Variants in MLLT1 observed in about 807,000 individuals in gnomAD.
MLLT1 encodes MLLT1 super elongation complex subunit.
In MLLT1, 11 loss-of-function variants were observed where a neutral mutation model predicts 55.1. The ratio of observed to expected loss-of-function variants is 0.20; its 90% confidence interval spans 0.13 to 0.33. The LOEUF (loss-of-function observed/expected upper bound fraction) is 0.33. Among genes scored for constraint, MLLT1 ranks in the 10% least tolerant of loss-of-function variants. The pLI, the probability that MLLT1 is intolerant of heterozygous loss-of-function variation, is 1.00. For missense variants in MLLT1, 536 were observed against 760.6 expected (o/e 0.70, Z 3.47); for synonymous variants, 323 against 320.1 (o/e 1.01, Z -0.10).
intron 3 of MLLT1, among the ~76,000 whole-genome samples, chr19:6,246,151 C>T (rs986555777): frequency 6.7e-6 from 1 of 150,118 alleles, no homozygotes; most frequent in African/African-American, 2.4e-5. Flanking sequence ...CAAGGGCTGG[C>T]GAAGATTTGG....
At chr19:6,267,402 T>TA (rs34411333) in intron 2 of MLLT1, among the ~76,000 whole-genome samples, 127 of 143,346 alleles carry the variant, frequency 8.9e-4, no homozygotes, top group South Asian at 2.2e-3. Context: ...GCCAAAAAAT[T>TA]AAAAAAAAAA....
chr19:6,212,259 C>A lies in MLLT1; in HGVS notation c.*783G>T. 1 of 1,065,002 alleles carries A rather than the reference C, an allele frequency of 9.4e-7. No homozygotes were observed. Among genetic ancestry groups the A allele is most frequent in the Non-Finnish European group, 1.1e-6 (1 of 879,248 alleles). The allele number at this position is 1,065,002 out of a possible 1,614,324, so 66.0% of individuals were successfully genotyped here. A position where few individuals can be genotyped will look rare whatever the true frequency, so the allele number is the denominator to read the frequency against. ...CCTTTGTAGTGTTGGCTGACCCCCCCGGGAGCCCCGGTAGGAGGCGGCGGC... is the reference window on the plus strand; with the variant it reads ...CCTTTGTAGTGTTGGCTGACCCCCCAGGGAGCCCCGGTAGGAGGCGGCGGC... On this transcript the variant is annotated 3_prime_UTR_variant, in exon 12 of 12. Coordinates refer to ENST00000252674, the MANE Select transcript of MLLT1 (RefSeq NM_005934.4).
chr19:6,238,762 TC>T (rs1338879085), intron 3 of MLLT1, among the ~76,000 whole-genome samples: 1 of 151,664 alleles, frequency 6.6e-6, no homozygotes, highest in African/African-American at 2.4e-5. Flanking sequence ...AAACACCTTC[TC>T]CGCCAGGGCC....
At chr19:6,257,728 G>A (rs1402400603) in intron 3 of MLLT1, among the ~76,000 whole-genome samples, 1 of 152,118 alleles carries the variant, frequency 6.6e-6, no homozygotes, top group Non-Finnish European at 1.5e-5. Flanking sequence ...TTGAACCCAG[G>A]AGGCAGAGGT....
chr19:6,272,711 A>G (rs183195189), intron 1 of MLLT1, among the ~76,000 whole-genome samples: 57 of 152,298 alleles, frequency 3.7e-4, no homozygotes, highest in Non-Finnish European at 7.1e-4. Flanking sequence ...ACGATGCTGG[A>G]TTAATTAAAC....
intron 1 of MLLT1, among the ~76,000 whole-genome samples, chr19:6,279,224 G>A (rs1042691753): frequency 1.3e-5 from 2 of 152,108 alleles, no homozygotes; most frequent in South Asian, 2.1e-4. Context: ...CAGCAGGTTG[G>A]GGACTCTGGG....
chr19:6,219,657 C>CA lies in MLLT1; in HGVS notation c.1111-1617dup, dbSNP rs1351466686. ...GGAATCCCTGGGGCAGAGGGGTGGG[C>CA]ACCAACCTGGAGGGAGGTGGACTGG... On this transcript the variant is annotated intron_variant, in intron 6 of 11. Coordinates refer to ENST00000252674, the MANE Select transcript of MLLT1 (RefSeq NM_005934.4). This position sits in a 1 kb window ranked among gnomAD's most constrained non-coding sequence, Gnocchi z 4.5. Among the ~76,000 whole-genome samples, 3 of 152,206 alleles carry CA rather than the reference C, an allele frequency of 2.0e-5. No homozygotes were observed. Among genetic ancestry groups the CA allele is most frequent in the Non-Finnish European group, 4.4e-5 (3 of 68,032 alleles).
rs915686199 is a variant in MLLT1, at chr19:6,231,574, C to T, written c.277-861G>A. Among the ~76,000 whole-genome samples the T allele has an allele frequency of 2.0e-5, 3 of 151,824 alleles. No individual in the cohort carries two copies. The highest frequency in any genetic ancestry group is 2.9e-5 in the Non-Finnish European group (2 of 67,966). ...TTGCCCAGGCTGGAGTGCAGTGGCGCGATCTCGGCTCACTGCAAGCTCCAC... is the reference window on the plus strand; with the variant it reads ...TTGCCCAGGCTGGAGTGCAGTGGCGTGATCTCGGCTCACTGCAAGCTCCAC... On this transcript the variant is annotated intron_variant, in intron 3 of 11. Coordinates refer to ENST00000252674, the MANE Select transcript of MLLT1 (RefSeq NM_005934.4). The surrounding 1 kb of genome is among the most constrained non-coding windows in gnomAD (Gnocchi z 5.1).
At chr19:6,223,162 C>T (rs2090920408) in intron 5 of MLLT1, among the ~76,000 whole-genome samples, 2 of 152,252 alleles carry the variant, frequency 1.3e-5, no homozygotes, top group East Asian at 1.9e-4. Context: ...GCTTCCTGCT[C>T]GGTCACTCAC....
chr19:6,220,342 G>T (rs1423974902), intron 6 of MLLT1, among the ~76,000 whole-genome samples: 1 of 152,220 alleles, frequency 6.6e-6, no homozygotes, highest in Non-Finnish European at 1.5e-5. Flanking sequence ...TGCTGTTGGG[G>T]CCTGGGTCTC....
At chr19:6,236,340 C>T (rs2091060941) in intron 3 of MLLT1, among the ~76,000 whole-genome samples, 1 of 152,184 alleles carries the variant, frequency 6.6e-6, no homozygotes, top group Admixed American at 6.5e-5. Context: ...TGGTGTCCCC[C>T]CGTCACAGAT....
chr19:6,268,829 A>C (rs1042575009), intron 2 of MLLT1, among the ~76,000 whole-genome samples: 2 of 152,210 alleles, frequency 1.3e-5, no homozygotes, highest in Admixed American at 1.3e-4. Flanking sequence ...CAACACGACA[A>C]ACAAAAAACA....
chr19:6,241,501 G>A (rs1265744107), intron 3 of MLLT1, among the ~76,000 whole-genome samples: 4 of 152,218 alleles, frequency 2.6e-5, no homozygotes, highest in South Asian at 4.1e-4. Context: ...CATAATGGGC[G>A]CTTTCAATGC....
rs1051046612 is a variant in MLLT1 at position 6,230,472 on chromosome 19, G to A, written c.420+98C>T. 1.4e-5 allele frequency: 20 copies of A among 1,466,158 alleles called. No individual in the cohort carries two copies. The highest frequency in any genetic ancestry group is 2.5e-4 in the Middle Eastern group (1 of 4,070). The allele number at this position is 1,466,158 out of a possible 1,614,324, so 90.8% of individuals were successfully genotyped here. A position where few individuals can be genotyped will look rare whatever the true frequency, so the allele number is the denominator to read the frequency against. On this transcript the variant is annotated intron_variant, in intron 4 of 11. Coordinates refer to ENST00000252674, the MANE Select transcript of MLLT1 (RefSeq NM_005934.4). This position sits in a 1 kb window ranked among gnomAD's most constrained non-coding sequence, Gnocchi z 9.0. ...CCGTGTGACCTGCGCCTTGGGTCTC[G>A]GCCCCCAGCACCGACACCTCTGGCT...
chr19:6,242,649 T>C (rs956806792), intron 3 of MLLT1, among the ~76,000 whole-genome samples: 8 of 152,302 alleles, frequency 5.3e-5, no homozygotes, highest in Admixed American at 2.0e-4. Flanking sequence ...GTTCCTTCAA[T>C]TGAAGTCACG....
In MLLT1 at chr19:6,211,512, G is replaced by C; in HGVS notation, c.*1530C>G. On this transcript the variant is annotated 3_prime_UTR_variant, in exon 12 of 12. Transcript: ENST00000252674. This position sits in a 1 kb window ranked among gnomAD's most constrained non-coding sequence, Gnocchi z 4.6. The stretch of plus-strand genomic sequence containing the variant: ...GGGACAAGATGAGGGACCTCAGGGA[G>C]GGACAGATGGAGCCCCCCAAGTCTG... 2 of 716,614 alleles carry C rather than the reference G, an allele frequency of 2.8e-6. No homozygotes were observed. Among genetic ancestry groups the C allele is most frequent in the Non-Finnish European group, 3.6e-6 (2 of 560,452 alleles). The allele number at this position is 716,614 out of a possible 1,614,324, so 44.4% of individuals were successfully genotyped here. A position where few individuals can be genotyped will look rare whatever the true frequency, so the allele number is the denominator to read the frequency against.
intron 3 of MLLT1, among the ~76,000 whole-genome samples, chr19:6,246,081 A>G (rs1027999605): frequency 2.6e-5 from 4 of 151,944 alleles, no homozygotes; most frequent in African/African-American, 9.7e-5. Context: ...TCCACCTCAA[A>G]AAGAAAATAA....
At position 6,212,521 on chromosome 19, in the gene MLLT1, A is replaced by G. The variant is rs1030033450; in HGVS notation, c.*521T>C. 2.1e-5 allele frequency: 23 copies of G among 1,080,208 alleles called. No individual in the cohort carries two copies. The highest frequency in any genetic ancestry group is 3.3e-5 in the African/African-American group (2 of 61,136). 66.9% of individuals were successfully genotyped at this position (1,080,208 alleles called of 1,614,324 possible). On this transcript the variant is annotated 3_prime_UTR_variant, in exon 12 of 12. Transcript: ENST00000252674. ...GAGAGAACTATACAGCACAGACCCC[A>G]GCGCAGCGCGAGCCGGGGAGGAGCC...
At chr19:6,266,424 A>G (rs2091349891) in intron 2 of MLLT1, among the ~76,000 whole-genome samples, 1 of 152,150 alleles carries the variant, frequency 6.6e-6, no homozygotes, top group Non-Finnish European at 1.5e-5. Context: ...CTAGGACTCA[A>G]AGGGTTTACT....
Sources: allele counts gnomAD v4.1 joint callset (sites outside exome capture counted in the v4.1 genomes callset), GRCh38; gene constraint gnomAD v4.1.1; non-coding constraint Gnocchi (gnomAD v3.1); transcripts MANE v1.5; gene names NCBI Gene and HGNC (gene_info 2026-07-23, HGNC 2026-07-21).